Variants in TET3 observed in about 807,000 individuals in gnomAD.
TET3 encodes tet methylcytosine dioxygenase 3.
TET3 carries 19 observed loss-of-function variants against 141.4 expected under a neutral mutation model. The observed-to-expected ratio is 0.13, with a 90% CI of 0.09 to 0.20. TET3 has a LOEUF of 0.20. TET3 is among the 10% of genes least tolerant of loss of function. The probability of loss-of-function intolerance (pLI) is 1.00; values close to 1 mark genes in which losing one functional copy is unlikely to be tolerated. For synonymous variants in TET3, 1,043 were observed against 980.9 expected (o/e 1.06, Z -1.18); for missense variants, 1,874 against 2,356.9 (o/e 0.80, Z 4.24).
chr2:74,009,080 C>T (rs761670481), intron 3 of TET3, among the ~76,000 whole-genome samples: 3 of 152,320 alleles, frequency 2.0e-5, no homozygotes, highest in South Asian at 2.1e-4. Flanking sequence ...CAGCATCCAC[C>T]GTCTCTCTCA....
downstream of TET3, among the ~76,000 whole-genome samples, chr2:74,108,556 G>A (rs915340920): frequency 3.3e-5 from 5 of 152,066 alleles, no homozygotes; most frequent in South Asian, 6.2e-4. Flanking sequence ...TGCTTGGTTC[G>A]GATGGCTTGA....
intron 10 of TET3, 125 bp from the exon 11 acceptor site, chr2:74,099,151 A>C: frequency 1.2e-6 from 1 of 824,308 alleles, no homozygotes. Context: ...TCTTGGAAGT[A>C]GTAGTGGCTG....
chr2:74,052,593 C>T (rs1031117631), intron 4 of TET3, among the ~76,000 whole-genome samples: 2 of 151,234 alleles, frequency 1.3e-5, no homozygotes, highest in Non-Finnish European at 2.9e-5. Flanking sequence ...GGGAGGGGCC[C>T]GGGCGCTGTG....
At chr2:74,125,301 A>G in the TET3 span, among the ~76,000 whole-genome samples, 1 of 141,636 alleles carries the variant, frequency 7.1e-6, no homozygotes, top group Non-Finnish European at 1.5e-5. Flanking sequence ...TTATTTTTTA[A>G]TTGTGGCGCT....
chr2:74,098,791 A>G (rs914538939), intron 10 of TET3, among the ~76,000 whole-genome samples: 5 of 152,148 alleles, frequency 3.3e-5, no homozygotes, highest in Non-Finnish European at 5.9e-5. Flanking sequence ...ACAGGGTTTC[A>G]TCATATTGAT....
chr2:74,101,220 A>C lies in TET3; in HGVS notation c.4432A>C (p.Ser1478Arg). ...TGACAAGCTCAGTTCCTTTGGGGCC[A>C]GCTGCCTGGCCCCTTCCCACTTCAC... is the stretch of plus-strand genomic sequence containing the variant. Reference protein sequence around the residue: ...VPDKLSSFGASCLAPSHFTDG... With the variant: ...VPDKLSSFGARCLAPSHFTDG... The change falls in exon 12 of 12, where the codon AGC (serine) becomes CGC (arginine). Residue 1478 changes from serine to arginine, a missense_variant. By Grantham distance (110) the Ser-to-Arg change is moderately radical. This residue lies in a region of TET3 where 602 missense variants were observed against 590.2 expected (regional missense o/e 1.02). Coordinates refer to ENST00000409262, the MANE Select transcript of TET3 (RefSeq NM_001287491.2). The surrounding 1 kb of genome is among the most constrained non-coding windows in gnomAD (Gnocchi z 8.5). 1 of 1,613,116 alleles carries C rather than the reference A, an allele frequency of 6.2e-7. No individual in the cohort carries two copies. Among genetic ancestry groups the C allele is most frequent in the Non-Finnish European group, 8.5e-7 (1 of 1,179,554 alleles).
At chr2:73,997,761 A>G (rs1684666763) in intron 2 of TET3, among the ~76,000 whole-genome samples, 1 of 152,148 alleles carries the variant, frequency 6.6e-6, no homozygotes, top group African/African-American at 2.4e-5. Flanking sequence ...TGGGTGCCAT[A>G]CTGAGTCTGA....
intron 3 of TET3, among the ~76,000 whole-genome samples, chr2:74,034,876 T>C (rs1686948025): frequency 6.6e-6 from 1 of 152,022 alleles, no homozygotes; most frequent in African/African-American, 2.4e-5. Context: ...CTGTTTTGCC[T>C]TCCTGCCAGT....
intron 3 of TET3, among the ~76,000 whole-genome samples, chr2:74,012,691 A>G (rs1356095258): frequency 6.6e-6 from 1 of 152,214 alleles, no homozygotes; most frequent in Non-Finnish European, 1.5e-5. Flanking sequence ...CCAAATATGT[A>G]TTGAGTAGAG....
chr2:74,020,448 A>G (rs1685975534), intron 3 of TET3, among the ~76,000 whole-genome samples: 1 of 152,232 alleles, frequency 6.6e-6, no homozygotes, highest in Non-Finnish European at 1.5e-5. Context: ...TGTTGGGATT[A>G]CAGGCATGAG....
At chr2:74,061,618 A>C (rs1376569859) in intron 4 of TET3, among the ~76,000 whole-genome samples, 2 of 129,916 alleles carry the variant, frequency 1.5e-5, no homozygotes, top group East Asian at 2.5e-4. Flanking sequence ...CCTCCCTCCC[A>C]GACGGGGTGG....
chr2:74,113,364 T>C, the TET3 span, among the ~76,000 whole-genome samples: 46,622 of 151,924 alleles, frequency 0.31, 7,459 homozygotes, highest in East Asian at 0.49. Flanking sequence ...CCAGCCTGGG[T>C]GACAGTGTGA....
the TET3 span, chr2:74,120,679 A>T: frequency 2.6e-5 from 4 of 152,300 alleles, no homozygotes; most frequent in Non-Finnish European, 5.9e-5. Flanking sequence ...GCCTGGACCC[A>T]GAACTCTGGG....
At chr2:74,123,993 G>A in the TET3 span, among the ~76,000 whole-genome samples, 17 of 145,154 alleles carry the variant, frequency 1.2e-4, no homozygotes, top group African/African-American at 3.1e-4. Flanking sequence ...CGGCCGCCCC[G>A]TCTGAGAAGT....
In TET3 at chr2:74,088,030, C is replaced by T; in HGVS notation, c.2880C>T (p.Leu960=). The change falls in exon 7 of 12, where the codon CTC becomes CTT. Residue 960 remains leucine (L), a synonymous_variant. Transcript: ENST00000409262. ...ACCCCACCAGCCGGAGATGCGGCCT[C>T]AACGATGAGTATGTAGCAGAGGGCT... ...YGNPTSRRCG[L]NDDRTCACQG... The T allele has an allele frequency of 6.4e-7, 1 of 1,558,586 alleles. No individual in the cohort carries two copies. Among genetic ancestry groups the T allele is most frequent in the Admixed American group, 1.9e-5 (1 of 51,962 alleles).
At chr2:74,064,581 T>C (rs1168464335) in intron 4 of TET3, among the ~76,000 whole-genome samples, 1 of 152,152 alleles carries the variant, frequency 6.6e-6, no homozygotes, top group Non-Finnish European at 1.5e-5. Flanking sequence ...TTTGTTTGTT[T>C]ATTTGTTTTT....
chr2:74,133,191 C>T, the TET3 span, among the ~76,000 whole-genome samples: 21 of 151,694 alleles, frequency 1.4e-4, no homozygotes, highest in African/African-American at 4.4e-4. Flanking sequence ...TGGGATTACG[C>T]GCGTGAGCCA....
At chr2:74,099,642 T>C (rs553825806) in intron 11 of TET3, 30 bp downstream of exon 11, 1 of 1,517,312 alleles carries the variant, frequency 6.6e-7, no homozygotes, top group African/African-American at 1.4e-5. Context: ...CCGCTTGGAG[T>C]CACAATGGCA....
the TET3 span, among the ~76,000 whole-genome samples, chr2:74,126,219 T>C: frequency 6.6e-6 from 1 of 152,254 alleles, no homozygotes; most frequent in Non-Finnish European, 1.5e-5. Context: ...TGGCACCAAC[T>C]GATCTCTACC....
Sources: gnomAD v4.1 joint callset for allele counts (sites outside exome capture counted in the v4.1 genomes callset) on GRCh38, gnomAD v4.1.1 for gene constraint, gnomAD v4.1.1 regional missense constraint, Gnocchi (gnomAD v3.1) non-coding constraint, MANE v1.5 for transcripts, NCBI Gene and HGNC (gene_info 2026-07-23, HGNC 2026-07-21) for gene names.